The following CRB1 variants were observed in gnomAD, a reference collection of about 807,000 sequenced individuals.
CRB1 encodes the protein protein crumbs homolog 1.
In CRB1, 83 loss-of-function variants were observed where a neutral mutation model predicts 120.0. The observed-to-expected ratio is 0.69, with a 90% CI of 0.58 to 0.83. The LOEUF is 0.83. Among genes scored for constraint, CRB1 ranks in the 40% least tolerant of loss-of-function variants. The pLI is 0.00. For synonymous variants in CRB1, 625 were observed against 612.5 expected, an observed-to-expected ratio of 1.02 and a Z score of -0.30; for missense variants, 1,699 against 1,687.6, an observed-to-expected ratio of 1.01 and a Z score of -0.12.
the CRB1 span, among the ~76,000 whole-genome samples, chr1:197,209,449 A>G: frequency 6.6e-6 from 1 of 152,104 alleles, no homozygotes; most frequent in Non-Finnish European, 1.5e-5. Context: ...AGGCTCAAGC[A>G]GTTCTCCTGC....
At chr1:197,377,919 C>A (rs1243503052) in intron 5 of CRB1, among the ~76,000 whole-genome samples, 2 of 152,140 alleles carry the variant, frequency 1.3e-5, no homozygotes, top group Non-Finnish European at 2.9e-5. Context: ...CAAATTTGGC[C>A]TAGCTCTAGC....
chr1:197,450,513 T>G (rs1342511830), intron 11 of CRB1, among the ~76,000 whole-genome samples: 1 of 151,884 alleles, frequency 6.6e-6, no homozygotes, highest in Non-Finnish European at 1.5e-5. Context: ...CAACAGTTAG[T>G]TTTTTTTGTA....
chr1:197,451,003 G>C (rs1003303097), intron 11 of CRB1, among the ~76,000 whole-genome samples: 1 of 150,508 alleles, frequency 6.6e-6, no homozygotes, highest in Non-Finnish European at 1.5e-5. Flanking sequence ...TAAGACAAAG[G>C]GATAGAATTT....
the CRB1 span, among the ~76,000 whole-genome samples, chr1:197,207,305 T>C: frequency 6.6e-6 from 1 of 152,232 alleles, no homozygotes; most frequent in East Asian, 1.9e-4. Context: ...GGTTTTTATT[T>C]TATAGGTACT....
intron 5 of CRB1, among the ~76,000 whole-genome samples, chr1:197,358,375 A>G (rs1385616628): frequency 6.6e-6 from 1 of 152,204 alleles, no homozygotes; most frequent in Non-Finnish European, 1.5e-5. Flanking sequence ...AAGTCAAAGG[A>G]CATTGCTAAT....
chr1:197,303,621 T>C (rs1261826162), intron 1 of CRB1, among the ~76,000 whole-genome samples: 1 of 151,748 alleles, frequency 6.6e-6, no homozygotes, highest in East Asian at 1.9e-4. Flanking sequence ...ATTCAGACCC[T>C]GAAAAAAAAA....
chr1:197,356,316 T>C (rs766898336), intron 4 of CRB1, among the ~76,000 whole-genome samples: 20 of 152,256 alleles, frequency 1.3e-4, no homozygotes, highest in Non-Finnish European at 2.8e-4. Context: ...CATGTTTTAC[T>C]GTTCTTATTC....
At chr1:197,420,255 C>A (rs925164914) in intron 5 of CRB1, among the ~76,000 whole-genome samples, 1 of 152,122 alleles carries the variant, frequency 6.6e-6, no homozygotes, top group East Asian at 1.9e-4. Flanking sequence ...GCAACAGCCA[C>A]GCTTATTAAA....
At chr1:197,398,330 G>A (rs528204791) in intron 5 of CRB1, among the ~76,000 whole-genome samples, 10 of 152,058 alleles carry the variant, frequency 6.6e-5, no homozygotes, top group South Asian at 2.1e-4. Flanking sequence ...CTTATGACTC[G>A]TTTGTTTTAA....
chr1:197,366,370 T>C (rs978235288), intron 5 of CRB1, among the ~76,000 whole-genome samples: 3 of 152,186 alleles, frequency 2.0e-5, no homozygotes, highest in Non-Finnish European at 4.4e-5. Flanking sequence ...AATGTATTTG[T>C]GCATAGTACA....
chr1:197,426,975 T>C (rs1187583927), intron 6 of CRB1, among the ~76,000 whole-genome samples: 18 of 152,198 alleles, frequency 1.2e-4, no homozygotes, highest in Admixed American at 1.2e-3. Context: ...TTAGGTTTAA[T>C]GACATGTTTG....
intron 2 of CRB1, among the ~76,000 whole-genome samples, chr1:197,341,817 G>A (rs1259408220): frequency 6.6e-6 from 1 of 152,114 alleles, no homozygotes; most frequent in Non-Finnish European, 1.5e-5. Flanking sequence ...TTATCTCCAT[G>A]ATTCATTCTT....
intron 11 of CRB1, among the ~76,000 whole-genome samples, chr1:197,458,203 G>A (rs1423320554): frequency 1.3e-5 from 2 of 151,940 alleles, no homozygotes; most frequent in African/African-American, 4.8e-5. Flanking sequence ...ATATGCCAAG[G>A]AAAAATGGGT....
At chr1:197,204,719 C>T in the CRB1 span, among the ~76,000 whole-genome samples, 27 of 152,216 alleles carry the variant, frequency 1.8e-4, no homozygotes, top group African/African-American at 5.8e-4. Flanking sequence ...TCCCACTCTG[C>T]GGGTTGTCTG....
chr1:197,394,327 T>C (rs941358299), intron 5 of CRB1, among the ~76,000 whole-genome samples: 2 of 152,160 alleles, frequency 1.3e-5, no homozygotes, highest in Admixed American at 6.6e-5. Flanking sequence ...ATATAGTGTA[T>C]AATACATATA....
chr1:197,287,017 A>G lies in CRB1; in HGVS notation c.70+18535A>G, dbSNP rs183896765. ...TCTCAAAGTAAAGTTAGGTTGATAG[A>G]TTCATTTAATGCACAATTCTTATAC... is the stretch of plus-strand genomic sequence containing the variant. On this transcript the variant is annotated intron_variant, in intron 1 of 11. Coordinates refer to ENST00000367400, the MANE Select transcript of CRB1 (RefSeq NM_201253.3). Among the ~76,000 whole-genome samples the G allele has an allele frequency of 7.6e-4, 116 of 152,030 alleles. 2 individuals are homozygous for G. The East Asian group carries it at 0.022, about 29-fold the overall frequency.
Position 197,421,526 on chromosome 1 carries a change from G to A in CRB1, c.1698G>A (p.Glu566=). 2 of 1,614,254 alleles carry A rather than the reference G, an allele frequency of 1.2e-6. No individual in the cohort carries two copies. The highest frequency in any genetic ancestry group is 1.7e-6 in the Non-Finnish European group (2 of 1,180,052). The change falls in exon 6 of 12, where the codon GAG becomes GAA. Residue 566 remains glutamate (E), a synonymous_variant. Coordinates refer to ENST00000367400, the MANE Select transcript of CRB1 (RefSeq NM_201253.3). ...TTTCCCACAACACCAGCGATGGAGA[G>A]TGGCATTTCGTGGAGGTAATATTTG... ...LFISHNTSDG[E]WHFVEVIFAE...
rs372397166 is a variant in CRB1, at chr1:197,398,743, G to A, written c.1172-22257G>A. ...AATAATAAGTTTGATAATCCTATCAGGAAGATATTTAAAGAAATCAATCTG... is the reference window on the plus strand; with the variant it reads ...AATAATAAGTTTGATAATCCTATCAAGAAGATATTTAAAGAAATCAATCTG... On this transcript the variant is annotated intron_variant, in intron 5 of 11. Coordinates refer to ENST00000367400, the MANE Select transcript of CRB1 (RefSeq NM_201253.3). 7.3e-4 allele frequency among the ~76,000 whole-genome samples: 111 copies of A among 152,168 alleles called. 3 individuals carry two copies. In the East Asian group the frequency reaches 9.1e-3, roughly 12 times the overall value.
At chr1:197,391,383 A>C (rs1344049133) in intron 5 of CRB1, among the ~76,000 whole-genome samples, 1 of 152,090 alleles carries the variant, frequency 6.6e-6, no homozygotes, top group East Asian at 1.9e-4. Context: ...GAGGCTCATA[A>C]ATTTCTTGTG....
Sources: gnomAD v4.1 joint callset for allele counts (sites outside exome capture counted in the v4.1 genomes callset) on GRCh38, gnomAD v4.1.1 for gene constraint, MANE v1.5 for transcripts, NCBI Gene and HGNC (gene_info 2026-07-23, HGNC 2026-07-21) for gene names.